Variants in CTNNA3 observed in about 807,000 individuals in gnomAD.
CTNNA3 encodes catenin alpha 3, also known as catenin alpha-3.
CTNNA3 carries 76 observed loss-of-function variants against 95.7 expected under a neutral mutation model. The ratio of observed to expected loss-of-function variants is 0.79; its 90% CI spans 0.66 to 0.96. The LOEUF is 0.96. CTNNA3 is among the 40% of genes least tolerant of loss of function. The pLI is 0.00. For missense variants in CTNNA3, 1,191 were observed against 1,089.8 expected (o/e 1.09, Z -1.31); for synonymous variants, 431 against 374.4 (o/e 1.15, Z -1.74).
intron 7 of CTNNA3, among the ~76,000 whole-genome samples, chr10:67,000,215 C>T (rs1028664249): frequency 6.6e-6 from 1 of 152,116 alleles, no homozygotes; most frequent in African/African-American, 2.4e-5. Flanking sequence ...TTACAAGAAT[C>T]TTTAGATAAA....
intron 15 of CTNNA3, among the ~76,000 whole-genome samples, chr10:66,020,334 G>C (rs1037268738): frequency 3.9e-5 from 6 of 152,134 alleles, no homozygotes; most frequent in African/African-American, 7.2e-5. Context: ...TGAGTTCCTG[G>C]GAAGAGACTG....
At chr10:67,403,192 G>C (rs971299776) in intron 5 of CTNNA3, among the ~76,000 whole-genome samples, 2 of 152,212 alleles carry the variant, frequency 1.3e-5, no homozygotes, top group Admixed American at 6.5e-5. Flanking sequence ...AATGTGGCCA[G>C]ACTACTTCTT....
chr10:66,575,704 C>A (rs1842984339), intron 10 of CTNNA3, among the ~76,000 whole-genome samples: 3 of 152,138 alleles, frequency 2.0e-5, no homozygotes, highest in Admixed American at 2.0e-4. Flanking sequence ...TGCTTTCTCT[C>A]CAGGAGTCTT....
intron 5 of CTNNA3, among the ~76,000 whole-genome samples, chr10:67,494,791 G>T (rs960542018): frequency 6.6e-6 from 1 of 152,184 alleles, no homozygotes. Flanking sequence ...TCTATGAAAT[G>T]TAATATTAAC....
intron 5 of CTNNA3, among the ~76,000 whole-genome samples, chr10:67,222,400 C>T (rs998571714): frequency 1.3e-4 from 20 of 152,166 alleles, no homozygotes; most frequent in Non-Finnish European, 2.4e-4. Context: ...CGGTGTCTGT[C>T]TTTCTATCTG....
At chr10:66,271,869 A>C (rs932006293) in intron 13 of CTNNA3, among the ~76,000 whole-genome samples, 1 of 152,176 alleles carries the variant, frequency 6.6e-6, no homozygotes, top group Non-Finnish European at 1.5e-5. Context: ...ATCACTAACT[A>C]GCGCGGCTTT....
intron 3 of CTNNA3, among the ~76,000 whole-genome samples, chr10:67,547,374 T>C: frequency 6.6e-6 from 1 of 152,210 alleles, no homozygotes; most frequent in Non-Finnish European, 1.5e-5. Flanking sequence ...TTATCAATTA[T>C]CACTTATAAT....
intron 8 of CTNNA3, among the ~76,000 whole-genome samples, chr10:66,771,262 T>G (rs1840074278): frequency 6.6e-6 from 1 of 152,204 alleles, no homozygotes; most frequent in Admixed American, 6.5e-5. Context: ...CAAATACAAA[T>G]TTTAGCCTGC....
At chr10:66,806,081 G>A (rs984846599) in intron 7 of CTNNA3, among the ~76,000 whole-genome samples, 7 of 151,906 alleles carry the variant, frequency 4.6e-5, no homozygotes, top group African/African-American at 9.7e-5. Context: ...ATATAGTAAC[G>A]TAAAATGCTC....
intron 6 of CTNNA3, among the ~76,000 whole-genome samples, chr10:67,194,071 C>A (rs1261468441): frequency 6.6e-6 from 1 of 151,924 alleles, no homozygotes; most frequent in African/African-American, 2.4e-5. Flanking sequence ...TGATGCTGAG[C>A]TTTTTTAAAA....
At chr10:66,468,925 ATT>A (rs1319730315) in intron 11 of CTNNA3, among the ~76,000 whole-genome samples, 4 of 151,854 alleles carry the variant, frequency 2.6e-5, no homozygotes, top group Non-Finnish European at 5.9e-5. Context: ...TTTGATATAT[ATT>A]TTGTTTGACT....
intron 3 of CTNNA3, among the ~76,000 whole-genome samples, chr10:67,586,658 C>A: frequency 6.6e-6 from 1 of 151,970 alleles, no homozygotes; most frequent in Middle Eastern, 3.2e-3. Flanking sequence ...ATCTCCCCAC[C>A]CCATCCCTAT....
At chr10:66,822,901 C>T (rs1311472859) in intron 7 of CTNNA3, among the ~76,000 whole-genome samples, 1 of 152,196 alleles carries the variant, frequency 6.6e-6, no homozygotes, top group African/African-American at 2.4e-5. Flanking sequence ...CTTCTTCCTG[C>T]TGCTCTGAAA....
At position 66,931,374 on chromosome 10, in the gene CTNNA3, C is replaced by T. The variant is rs987057584; in HGVS notation, c.1048-155850G>A. ...AGCATGTAGTTAAATAGTCCCAGTG[C>T]CACAGTCTTGTAAGCAATACTTATG... On this transcript the variant is annotated intron_variant, in intron 7 of 17. Transcript: ENST00000433211. Among the ~76,000 whole-genome samples the T allele has an allele frequency of 1.8e-4, 28 of 152,120 alleles. 1 individual carries two copies. Among genetic ancestry groups the T allele is most frequent in the African/African-American group, 6.8e-4 (28 of 41,420 alleles).
Position 67,179,385 on chromosome 10 carries a change from G to C in CTNNA3, c.1047+932C>G, listed in dbSNP as rs143698683. Reference sequence around the variant, plus strand: ...GTTACAGACATTCCATAGATGAAGAGATATGTATTTCATATATATGTATAA... The same window carrying C: ...GTTACAGACATTCCATAGATGAAGACATATGTATTTCATATATATGTATAA... On this transcript the variant is annotated intron_variant, in intron 7 of 17. Transcript: ENST00000433211. Among the ~76,000 whole-genome samples the C allele has an allele frequency of 1.5e-4, 22 of 148,366 alleles. No homozygotes were observed. The East Asian group carries it at 4.3e-3, about 29-fold the overall frequency.
At chr10:66,176,819 G>A (rs986599052) in intron 13 of CTNNA3, among the ~76,000 whole-genome samples, 1 of 151,996 alleles carries the variant, frequency 6.6e-6, no homozygotes, top group Non-Finnish European at 1.5e-5. Context: ...TTGTTTATAA[G>A]CTACACGGTT....
intron 15 of CTNNA3, among the ~76,000 whole-genome samples, chr10:66,006,433 C>G (rs2078885369): frequency 1.3e-5 from 2 of 152,166 alleles, no homozygotes; most frequent in African/African-American, 4.8e-5. Context: ...TTGACACCCT[C>G]TCTGGACACA....
chr10:67,155,710 T>C (rs1861284383), intron 7 of CTNNA3, among the ~76,000 whole-genome samples: 2 of 152,142 alleles, frequency 1.3e-5, no homozygotes, highest in African/African-American at 4.8e-5. Context: ...TAAGTTTTTC[T>C]AGCATAAAGT....
At chr10:66,059,163 T>G (rs2080145194) in intron 15 of CTNNA3, among the ~76,000 whole-genome samples, 1 of 151,884 alleles carries the variant, frequency 6.6e-6, no homozygotes, top group African/African-American at 2.4e-5. Context: ...GAGGGGGGAG[T>G]ATCAGGAAGG....
Sources: allele counts gnomAD v4.1 joint callset (sites outside exome capture counted in the v4.1 genomes callset), GRCh38; gene constraint gnomAD v4.1.1; transcripts MANE v1.5; gene names NCBI Gene and HGNC (gene_info 2026-07-23, HGNC 2026-07-21).